Variants in EMID1 observed in about 807,000 individuals in gnomAD.
EMID1 encodes EMI domain-containing protein 1.
A neutral mutation model predicts 60.6 loss-of-function variants in EMID1; 40 were observed. That is an observed-to-expected ratio of 0.66 (90% CI 0.51 to 0.86). EMID1 has a LOEUF of 0.86. EMID1 is among the 40% of genes least tolerant of loss of function. The pLI is 0.00. For synonymous variants in EMID1, 242 were observed against 231.0 expected (o/e 1.05, Z -0.43); for missense variants, 585 against 597.1 (o/e 0.98, Z 0.21).
At position 29,225,225 on chromosome 22, in the gene EMID1, T is replaced by C. The variant is rs2040458958; in HGVS notation, c.403+9T>C. The C allele has an allele frequency of 6.2e-7, 1 of 1,612,852 alleles. No individual in the cohort carries two copies. The highest frequency in any genetic ancestry group is 8.5e-7 in the Non-Finnish European group (1 of 1,179,696). ...GCCCACAGCCTTCTCAGGTGGGTCC[T>C]GGGATAGCTTCTTGAGGTCCCCCTG... On this transcript the variant is annotated intron_variant, in intron 4 of 14. Coordinates refer to ENST00000334018, the MANE Select transcript of EMID1 (RefSeq NM_133455.4).
chr22:29,213,242 G>A (rs1405337199), intron 1 of EMID1, among the ~76,000 whole-genome samples: 1 of 152,162 alleles, frequency 6.6e-6, no homozygotes, highest in Non-Finnish European at 1.5e-5. Flanking sequence ...CACAGCATCT[G>A]GTTTCCCATG....
intron 3 of EMID1, chr22:29,216,380 C>T: frequency 1.0e-6 from 1 of 985,448 alleles, no homozygotes; most frequent in Non-Finnish European, 1.2e-6. Context: ...CCTGGCTGAA[C>T]CCATGAGCAG....
chr22:29,232,121 C>A, intron 7 of EMID1, 135 bp from the exon 8 acceptor site: 1 of 944,430 alleles, frequency 1.1e-6, no homozygotes, highest in Non-Finnish European at 1.6e-6. Flanking sequence ...GTTAGACTAC[C>A]AGGCAGCCTA....
intron 9 of EMID1, 44 bp downstream of exon 9, chr22:29,233,512 T>C: frequency 6.2e-7 from 1 of 1,609,714 alleles, no homozygotes. Flanking sequence ...AGTTGGTAGA[T>C]GGCAGAGGGA....
At position 29,258,848 on chromosome 22, in the gene EMID1, C is replaced by A. The variant is rs371660837; in HGVS notation, c.1236C>A (p.Ala412=). Residue 412 remains alanine, a synonymous_variant, in exon 15 of 15, where the codon GCC becomes GCA. Transcript: ENST00000334018. The part of the protein sequence containing the change: ...EPELGSGAGP[A]GTGTPSLLRG... The stretch of plus-strand genomic sequence containing the variant: ...AGCTGGGGTCTGGGGCGGGCCCTGC[C>A]GGCACAGGCACCCCCAGCCTCCTTC... 1 of 1,613,078 alleles carries A rather than the reference C, an allele frequency of 6.2e-7. No homozygotes were observed. The highest frequency in any genetic ancestry group is 8.5e-7 in the Non-Finnish European group (1 of 1,179,760).
rs1166598312 is a variant in EMID1 at position 29,258,824 on chromosome 22, G to A, written c.1212G>A (p.Glu404=). ...LETMIGLYEP[E]LGSGAGPAGT... ...CCTTCTTCCCTCCGGCAGAACCAGA[G>A]CTGGGGTCTGGGGCGGGCCCTGCCG... The change falls in exon 15 of 15, where the codon GAG becomes GAA. Residue 404 remains glutamate (E), a synonymous_variant. Transcript: ENST00000334018. 2 of 1,613,192 alleles carry A rather than the reference G, an allele frequency of 1.2e-6. No individual in the cohort carries two copies. The highest frequency in any genetic ancestry group is 2.2e-5 in the South Asian group (2 of 91,064).
chr22:29,211,554 T>A (rs774890456), intron 1 of EMID1, among the ~76,000 whole-genome samples: 1 of 151,814 alleles, frequency 6.6e-6, no homozygotes, highest in Non-Finnish European at 1.5e-5. Context: ...TGAACATGTG[T>A]GTCCATGCAT....
In EMID1 at chr22:29,255,491, G is replaced by T. The variant is rs371347603; in HGVS notation, c.1204+1204G>T. ...CACTCATTCTTCATCCAGCCAGCCA[G>T]CCAGCAAATGGTGCCTGGCAGAGAG... On this transcript the variant is annotated intron_variant, in intron 14 of 14. Transcript: ENST00000334018. 37 of 672,640 alleles carry T rather than the reference G, an allele frequency of 5.5e-5. No homozygotes were observed. The African/African-American group carries it at 5.8e-4, about 10-fold the overall frequency. The allele number at this position is 672,640 out of a possible 1,614,324, so 41.7% of individuals were successfully genotyped here.
In EMID1 at chr22:29,238,268, T is replaced by C. The variant is rs1193259160; in HGVS notation, c.1074+3919T>C. Reference sequence around the variant, plus strand: ...GTTTTTCTAAAAATTATTATTATTATTATTATTATTATTATTATTATTATT... The same window carrying C: ...GTTTTTCTAAAAATTATTATTATTACTATTATTATTATTATTATTATTATT... On this transcript the variant is annotated intron_variant, in intron 12 of 14. Coordinates refer to ENST00000334018, the MANE Select transcript of EMID1 (RefSeq NM_133455.4). Among the ~76,000 whole-genome samples, 6 of 131,494 alleles carry C rather than the reference T, an allele frequency of 4.6e-5. 1 individual carries two copies. The highest frequency in any genetic ancestry group is 2.2e-4 in the Admixed American group (3 of 13,370). 86.3% of individuals were successfully genotyped at this position (131,494 alleles called of 152,430 possible). A position where few individuals can be genotyped will look rare whatever the true frequency, so the allele number is the denominator to read the frequency against.
intron 13 of EMID1, among the ~76,000 whole-genome samples, chr22:29,253,514 G>A (rs1158690168): frequency 6.6e-6 from 1 of 152,190 alleles, no homozygotes; most frequent in Non-Finnish European, 1.5e-5. Context: ...CCTGGGAGGT[G>A]GAGGTTGCGG....
At chr22:29,256,712 C>T (rs924366018) in intron 14 of EMID1, among the ~76,000 whole-genome samples, 1 of 152,054 alleles carries the variant, frequency 6.6e-6, no homozygotes, top group Non-Finnish European at 1.5e-5. Context: ...GAGGAAGAGT[C>T]ACTTGTCCCT....
intron 5 of EMID1, among the ~76,000 whole-genome samples, chr22:29,230,071 G>A (rs577025496): frequency 2.0e-5 from 3 of 152,278 alleles, no homozygotes; most frequent in East Asian, 3.9e-4. Flanking sequence ...GGTGGCTCAC[G>A]CCTGTAATCC....
intron 3 of EMID1, among the ~76,000 whole-genome samples, chr22:29,218,694 G>A (rs1337257389): frequency 1.3e-5 from 2 of 152,350 alleles, no homozygotes; most frequent in South Asian, 2.1e-4. Flanking sequence ...AGGGCGGGCC[G>A]AGCCCCACAA....
intron 13 of EMID1, among the ~76,000 whole-genome samples, chr22:29,250,733 A>ATTTTTTTTTTTTTGTTTTTTTTTTTT (rs2041496719): frequency 4.4e-5 from 1 of 22,476 alleles, no homozygotes; most frequent in Non-Finnish European, 9.0e-5. Flanking sequence ...CACCCGGCTA[A>ATTTTTTTTTTTTTGTTTTTTTTTTTT]TTTTTTTTTT....
chr22:29,222,988 G>A (rs998686283), intron 3 of EMID1, among the ~76,000 whole-genome samples: 12 of 152,164 alleles, frequency 7.9e-5, no homozygotes, highest in Non-Finnish European at 7.3e-5. Flanking sequence ...CTACTCTGGA[G>A]GCTGAGGAAG....
intron 5 of EMID1, among the ~76,000 whole-genome samples, chr22:29,230,000 G>C (rs2040669410): frequency 6.6e-6 from 1 of 152,144 alleles, no homozygotes; most frequent in Non-Finnish European, 1.5e-5. Context: ...ACACCTCCAG[G>C]TTTCTATTTC....
At position 29,232,402 on chromosome 22, in the gene EMID1, G is replaced by A. The variant is rs1314367678; in HGVS notation, c.823G>A (p.Gly275Arg). ...ACCCCATGCCCGGATCTCCCAGCAT[G>A]GTGAGTCCCCCTGGGATCCCAGCAG... ...GPPHARISQH[G>R]DPLLSNTFTE... The change falls in exon 8 of 15, where the codon GGA becomes AGA. Residue 275 changes from glycine to arginine, a missense_variant and splice_region_variant. Transcript: ENST00000334018. 2 of 1,573,156 alleles carry A rather than the reference G, an allele frequency of 1.3e-6. No homozygotes were observed. The highest frequency in any genetic ancestry group is 1.7e-6 in the Non-Finnish European group (2 of 1,162,088).
rs376315194 is a variant in EMID1 at position 29,231,088 on chromosome 22, G to A, written c.534G>A (p.Pro178=). The A allele has an allele frequency of 1.5e-5, 24 of 1,613,108 alleles. No individual in the cohort carries two copies. Among genetic ancestry groups the A allele is most frequent in the Admixed American group, 5.0e-5 (3 of 59,874 alleles). ...CAGCTACCCCTGAGGACCCTGCCCC[G>A]CTCTGGGGTCCCCCTCCTGCCCAGG... is the stretch of plus-strand genomic sequence containing the variant. ...PTPATPEDPA[P]LWGPPPAQGS... Residue 178 remains proline, a synonymous_variant, in exon 6 of 15, where the codon CCG becomes CCA. Coordinates refer to ENST00000334018, the MANE Select transcript of EMID1 (RefSeq NM_133455.4).
chr22:29,227,641 G>T (rs923242453), intron 5 of EMID1, among the ~76,000 whole-genome samples: 1 of 147,690 alleles, frequency 6.8e-6, no homozygotes, highest in Non-Finnish European at 1.5e-5. Context: ...GGAGGTGGAG[G>T]TTGTAGTGAG....
Sources: allele counts gnomAD v4.1 joint callset (sites outside exome capture counted in the v4.1 genomes callset), GRCh38; gene constraint gnomAD v4.1.1; transcripts MANE v1.5; gene names NCBI Gene and HGNC (gene_info 2026-07-23, HGNC 2026-07-21).